The following EXOC6 variants were observed in gnomAD, a reference collection of about 807,000 sequenced individuals.
The protein encoded by EXOC6 is SEC15-like 1.
EXOC6 carries 60 observed loss-of-function variants against 112.5 expected under a neutral mutation model. The ratio of observed to expected loss-of-function variants is 0.53; its 90% CI spans 0.43 to 0.66. The LOEUF is 0.66. Among genes scored for constraint, EXOC6 ranks in the 30% least tolerant of loss-of-function variants. EXOC6 has a pLI of 0.00. For synonymous variants in EXOC6, 295 were observed against 308.0 expected (o/e 0.96, Z 0.44); for missense variants, 855 against 957.1 (o/e 0.89, Z 1.41).
intron 1 of EXOC6, among the ~76,000 whole-genome samples, chr10:92,893,145 T>C (rs1278532516): frequency 6.6e-6 from 1 of 152,196 alleles, no homozygotes; most frequent in Non-Finnish European, 1.5e-5. Flanking sequence ...TACCTCATGC[T>C]ATATCTAGAG....
intron 20 of EXOC6, 87 bp downstream of exon 20, chr10:93,014,354 G>T: frequency 2.0e-6 from 2 of 986,838 alleles, no homozygotes; most frequent in Non-Finnish European, 3.2e-6. Flanking sequence ...CTACAGGAAT[G>T]CCTGTTTGCC....
intron 18 of EXOC6, among the ~76,000 whole-genome samples, chr10:92,982,298 T>G (rs545017858): frequency 6.6e-6 from 1 of 152,284 alleles, no homozygotes; most frequent in African/African-American, 2.4e-5. Context: ...TCTGAATATC[T>G]TTTACTCTAA....
At chr10:92,934,242 GC>G in intron 10 of EXOC6, 52 bp downstream of exon 10, 1 of 1,522,800 alleles carries the variant, frequency 6.6e-7, no homozygotes. Context: ...TATGTTAAAT[GC>G]CAGAAATACT....
intron 1 of EXOC6, among the ~76,000 whole-genome samples, chr10:92,871,648 A>G (rs1427211025): frequency 6.6e-6 from 1 of 152,018 alleles, no homozygotes; most frequent in Non-Finnish European, 1.5e-5. Flanking sequence ...CTCTACTAAA[A>G]ATACAAAAAT....
intron 1 of EXOC6, among the ~76,000 whole-genome samples, chr10:92,890,471 CA>C (rs1849442002): frequency 6.6e-6 from 1 of 152,076 alleles, no homozygotes; most frequent in African/African-American, 2.4e-5. Context: ...GCTGGGGATG[CA>C]ATAGGGAACA....
At chr10:92,840,530 T>A (rs990966989) in intron 1 of EXOC6, among the ~76,000 whole-genome samples, 1 of 152,228 alleles carries the variant, frequency 6.6e-6, no homozygotes, top group Non-Finnish European at 1.5e-5. Context: ...AATAAATACA[T>A]ACTTTAGAGT....
chr10:92,968,132 G>A (rs531789752), intron 17 of EXOC6, among the ~76,000 whole-genome samples: 1 of 150,766 alleles, frequency 6.6e-6, no homozygotes, highest in East Asian at 2.0e-4. Context: ...TTACTGCCAT[G>A]AATTATACAT....
At chr10:92,920,212 T>A (rs1022670658) in intron 8 of EXOC6, among the ~76,000 whole-genome samples, 162 bp downstream of exon 8, 1 of 152,204 alleles carries the variant, frequency 6.6e-6, no homozygotes, top group Admixed American at 6.5e-5. Context: ...TTACTTATCA[T>A]AGTGTAATTT....
intron 1 of EXOC6, among the ~76,000 whole-genome samples, chr10:92,881,629 C>A (rs181087612): frequency 1.3e-5 from 2 of 152,196 alleles, no homozygotes; most frequent in East Asian, 3.9e-4. Flanking sequence ...GTATTATTTC[C>A]TTGGAGCTGT....
At chr10:92,948,858 T>A (rs1853217722) in intron 14 of EXOC6, among the ~76,000 whole-genome samples, 1 of 152,200 alleles carries the variant, frequency 6.6e-6, no homozygotes, top group African/African-American at 2.4e-5. Context: ...ATTGGTTAAA[T>A]AAGTGATATG....
intron 1 of EXOC6, among the ~76,000 whole-genome samples, chr10:92,872,245 T>G (rs1371423922): frequency 6.6e-6 from 1 of 152,128 alleles, no homozygotes; most frequent in East Asian, 1.9e-4. Flanking sequence ...TCCCCTTTGA[T>G]CCAAAAGTTT....
intron 19 of EXOC6, among the ~76,000 whole-genome samples, chr10:93,007,793 G>A (rs1844063683): frequency 6.6e-6 from 1 of 152,166 alleles, no homozygotes; most frequent in South Asian, 2.1e-4. Context: ...TCCAAGTTAG[G>A]CTGATATAGC....
At chr10:92,982,088 C>G (rs1466542451) in intron 18 of EXOC6, among the ~76,000 whole-genome samples, 1 of 152,090 alleles carries the variant, frequency 6.6e-6, no homozygotes, top group Non-Finnish European at 1.5e-5. Context: ...TGCACTCCAG[C>G]CTGGGTGACA....
At chr10:92,893,586 A>G (rs1321313863) in intron 2 of EXOC6, 66 bp downstream of exon 2, 5 of 1,298,518 alleles carry the variant, frequency 3.9e-6, no homozygotes, top group African/African-American at 1.5e-5. Flanking sequence ...AGTTGATAGT[A>G]CATATGTACA....
rs138687634 is a variant in EXOC6, at chr10:92,920,866, G to T, written c.888+816G>T. Among the ~76,000 whole-genome samples the T allele has an allele frequency of 9.9e-5, 15 of 151,842 alleles. No individual in the cohort carries two copies. The East Asian group carries it at 2.9e-3, about 29-fold the overall frequency. On this transcript the variant is annotated intron_variant, in intron 8 of 21. Transcript: ENST00000260762. ...AATATCTTTCTTCATAATATTTTTT[G>T]TCTTAAGGTCTGTTTGGCTTTAATT... is the stretch of plus-strand genomic sequence containing the variant.
At position 92,893,397 on chromosome 10, in the gene EXOC6, G is replaced by A; in HGVS notation, c.150G>A (p.Lys50=). Residue 50 remains lysine, a synonymous_variant, in exon 2 of 22, where the codon AAG becomes AAA. Coordinates refer to ENST00000260762, the MANE Select transcript of EXOC6 (RefSeq NM_019053.6). ...ATGCGCACAAGAAGTTTATGGAAAA[G>A]TTAGATGCTTGTATCCGTAATCATG... ...QPNAHKKFME[K]LDACIRNHDK... is the part of the protein sequence containing the mutation. The A allele has an allele frequency of 6.2e-6, 10 of 1,612,864 alleles. No homozygotes were observed. The highest frequency in any genetic ancestry group is 8.5e-6 in the Non-Finnish European group (10 of 1,179,296).
At chr10:92,958,160 A>G (rs1853794662) in intron 17 of EXOC6, among the ~76,000 whole-genome samples, 1 of 152,216 alleles carries the variant, frequency 6.6e-6, no homozygotes, top group Non-Finnish European at 1.5e-5. Flanking sequence ...TTCAATAAGT[A>G]GTTCCTACCC....
intron 1 of EXOC6, among the ~76,000 whole-genome samples, chr10:92,856,081 C>T (rs1183591479): frequency 6.6e-6 from 1 of 152,044 alleles, no homozygotes; most frequent in African/African-American, 2.4e-5. Flanking sequence ...CCAGGCTGGT[C>T]TTGAACTCCT....
intron 17 of EXOC6, among the ~76,000 whole-genome samples, chr10:92,969,626 C>CATGTAGTTATATGTATAGTATGTAT (rs1264040260): frequency 6.6e-6 from 1 of 152,070 alleles, no homozygotes; most frequent in East Asian, 1.9e-4. Context: ...CTTTACTATA[C>CATGTAGTTATATGTATAGTATGTAT]ATGTAGTTAG....
Sources: allele counts gnomAD v4.1 joint callset (sites outside exome capture counted in the v4.1 genomes callset), GRCh38; gene constraint gnomAD v4.1.1; transcripts MANE v1.5; gene names NCBI Gene and HGNC (gene_info 2026-07-23, HGNC 2026-07-21).